The following EXOC4 variants were observed in gnomAD, a reference collection of about 807,000 sequenced individuals.
The protein encoded by EXOC4 is SEC8-like 1.
A neutral mutation model predicts 107.2 loss-of-function variants in EXOC4; 71 were observed. The observed-to-expected ratio is 0.66, with a 90% CI of 0.55 to 0.81. The LOEUF (loss-of-function observed/expected upper bound fraction) is 0.81, where lower values mean the gene tolerates loss of function less well. Among genes scored for constraint, EXOC4 ranks in the 30% least tolerant of loss-of-function variants. The pLI, the probability that EXOC4 is intolerant of heterozygous loss-of-function variation, is 0.00. For missense variants in EXOC4, 1,108 were observed against 1,189.6 expected (o/e 0.93, Z 1.01); for synonymous variants, 456 against 441.2 (o/e 1.03, Z -0.42).
intron 8 of EXOC4, among the ~76,000 whole-genome samples, chr7:133,476,092 A>G (rs1355831404): frequency 6.6e-6 from 1 of 152,178 alleles, no homozygotes; most frequent in Non-Finnish European, 1.5e-5. Context: ...TGAGTTTCCC[A>G]AAATAATCTC....
intron 14 of EXOC4, among the ~76,000 whole-genome samples, chr7:133,962,426 A>T (rs1800968029): frequency 1.3e-5 from 2 of 152,066 alleles, no homozygotes; most frequent in Admixed American, 1.3e-4. Context: ...TCATTAACAT[A>T]CCCTTTACCG....
At chr7:134,035,259 G>A (rs1240797971) in intron 17 of EXOC4, among the ~76,000 whole-genome samples, 1 of 151,870 alleles carries the variant, frequency 6.6e-6, no homozygotes, top group African/African-American at 2.4e-5. Flanking sequence ...TGGTCAGGCT[G>A]GTCTTGAACT....
At chr7:133,739,088 T>G (rs1344947752) in intron 10 of EXOC4, among the ~76,000 whole-genome samples, 1 of 152,180 alleles carries the variant, frequency 6.6e-6, no homozygotes, top group East Asian at 1.9e-4. Flanking sequence ...TTACTTCTGG[T>G]GCCTTTTATG....
chr7:133,474,698 A>G (rs887446003), intron 7 of EXOC4, among the ~76,000 whole-genome samples: 2 of 152,076 alleles, frequency 1.3e-5, no homozygotes, highest in Non-Finnish European at 2.9e-5. Context: ...TTTGTAGGTC[A>G]GGACTTCGTA....
intron 10 of EXOC4, among the ~76,000 whole-genome samples, chr7:133,791,152 G>C (rs1369333549): frequency 1.3e-5 from 2 of 152,142 alleles, no homozygotes; most frequent in Non-Finnish European, 2.9e-5. Flanking sequence ...TCACATTTTA[G>C]AACTAACAGG....
intron 9 of EXOC4, among the ~76,000 whole-genome samples, chr7:133,535,759 A>G (rs1160868373): frequency 7.4e-6 from 1 of 135,196 alleles, no homozygotes; most frequent in Admixed American, 6.9e-5. Flanking sequence ...TCCTCCACAC[A>G]TGTCATTTTC....
At chr7:133,945,243 C>G (rs1312340642) in intron 14 of EXOC4, among the ~76,000 whole-genome samples, 2 of 152,134 alleles carry the variant, frequency 1.3e-5, no homozygotes, top group Non-Finnish European at 2.9e-5. Context: ...ATTAGAAATG[C>G]CTGTGCTTTT....
At chr7:133,834,694 C>T (rs1797881758) in intron 11 of EXOC4, among the ~76,000 whole-genome samples, 1 of 152,150 alleles carries the variant, frequency 6.6e-6, no homozygotes, top group African/African-American at 2.4e-5. Flanking sequence ...TCTCCAACAG[C>T]CAGCATGACA....
intron 5 of EXOC4, among the ~76,000 whole-genome samples, chr7:133,329,531 GC>G (rs1669789717): frequency 6.6e-6 from 1 of 152,170 alleles, no homozygotes; most frequent in Non-Finnish European, 1.5e-5. Context: ...CAGCCATTTT[GC>G]ATTGGTTTCA....
chr7:133,601,490 C>T (rs1028647288), intron 9 of EXOC4, among the ~76,000 whole-genome samples: 4 of 152,098 alleles, frequency 2.6e-5, no homozygotes, highest in African/African-American at 9.7e-5. Flanking sequence ...ATCTGTCCCA[C>T]CATTATATTC....
intron 10 of EXOC4, among the ~76,000 whole-genome samples, chr7:133,791,441 CAT>C (rs1252019454): frequency 1.3e-5 from 2 of 152,150 alleles, no homozygotes; most frequent in Admixed American, 1.3e-4. Flanking sequence ...GGACTTCACA[CAT>C]GATAGGAACT....
intron 10 of EXOC4, among the ~76,000 whole-genome samples, chr7:133,787,562 T>TA (rs1796601117): frequency 6.6e-6 from 1 of 151,882 alleles, no homozygotes; most frequent in South Asian, 2.1e-4. Context: ...TTGGGTGGCT[T>TA]AAACAACAGA....
chr7:133,485,821 T>C (rs964551104), intron 9 of EXOC4, among the ~76,000 whole-genome samples: 2 of 152,186 alleles, frequency 1.3e-5, no homozygotes, highest in African/African-American at 2.4e-5. Flanking sequence ...CTAGTGGTTG[T>C]TTAAATAAAC....
chr7:133,823,180 G>GC (rs1797566143), intron 11 of EXOC4, among the ~76,000 whole-genome samples: 2 of 152,272 alleles, frequency 1.3e-5, no homozygotes, highest in South Asian at 4.1e-4. Context: ...TTTCCTCTCT[G>GC]CCCCAGTATT....
At chr7:133,709,645 CTT>C (rs147956984) in intron 10 of EXOC4, among the ~76,000 whole-genome samples, 41,666 of 117,316 alleles carry the variant, frequency 0.36, 5,148 homozygotes, top group South Asian at 0.48. Context: ...AATCTGTTTT[CTT>C]TTTTTTTTTT....
intron 10 of EXOC4, among the ~76,000 whole-genome samples, chr7:133,636,028 T>TGAGA (rs571727991): frequency 2.6e-5 from 4 of 152,110 alleles, no homozygotes; most frequent in African/African-American, 9.7e-5. Flanking sequence ...GTGCATTGTA[T>TGAGA]GAGAGAGAGA....
intron 10 of EXOC4, among the ~76,000 whole-genome samples, chr7:133,767,930 C>T (rs1429228446): frequency 1.3e-5 from 2 of 151,850 alleles, no homozygotes; most frequent in East Asian, 3.9e-4. Flanking sequence ...ATTCTAGATT[C>T]GGTTAAAGTA....
At position 134,007,460 on chromosome 7, in the gene EXOC4, C is replaced by T. The variant is rs57975855; in HGVS notation, c.2528-216C>T. On this transcript the variant is annotated intron_variant, in intron 16 of 17. Transcript: ENST00000253861. ...ATGTGGCTATTACCAGGCTTTGCCA[C>T]CAACATGAAGTCCACTCATTTGTAA... is the stretch of plus-strand genomic sequence containing the variant. Among the ~76,000 whole-genome samples, 566 of 152,300 alleles carry T rather than the reference C, an allele frequency of 3.7e-3. 5 individuals are homozygous for T. Among genetic ancestry groups the T allele is most frequent in the African/African-American group, 0.013 (547 of 41,566 alleles).
chr7:133,611,331 C>T (rs1250549489), intron 9 of EXOC4, among the ~76,000 whole-genome samples: 1 of 152,048 alleles, frequency 6.6e-6, no homozygotes, highest in Non-Finnish European at 1.5e-5. Flanking sequence ...GATAACTTTG[C>T]TTTGGAGCAG....
Sources: gnomAD v4.1 joint callset for allele counts (sites outside exome capture counted in the v4.1 genomes callset) on GRCh38, gnomAD v4.1.1 for gene constraint, MANE v1.5 for transcripts, NCBI Gene and HGNC (gene_info 2026-07-23, HGNC 2026-07-21) for gene names.